EP400: variants seen among roughly 807,000 people sequenced by gnomAD.
The protein encoded by EP400 is E1A-binding protein p400.
A neutral mutation model predicts 354.1 loss-of-function variants in EP400; 105 were observed. That is an observed-to-expected ratio of 0.30 (90% CI 0.25 to 0.35). The LOEUF (loss-of-function observed/expected upper bound fraction) is 0.35. Among genes scored for constraint, EP400 ranks in the 10% least tolerant of loss-of-function variants. The pLI is 1.00. For missense variants in EP400, 3,280 were observed against 4,121.0 expected (o/e 0.80, Z 5.59); for synonymous variants, 1,646 against 1,716.9 (o/e 0.96, Z 1.02).
chr12:131,987,592 C>A, intron 6 of EP400, 113 bp from the exon 7 acceptor site: 1 of 854,604 alleles, frequency 1.2e-6, no homozygotes, highest in Non-Finnish European at 1.7e-6. Context: ...TTCTCTCTTT[C>A]TTAGTGCCTG....
chr12:132,060,948 A>C (rs76392818), intron 45 of EP400, among the ~76,000 whole-genome samples: 1 of 149,246 alleles, frequency 6.7e-6, no homozygotes, highest in East Asian at 1.9e-4. Context: ...AAAACAAAAC[A>C]AAAAAAAACA....
At chr12:132,068,122 C>T (rs1287781379) in intron 50 of EP400, 2 of 152,342 alleles carry the variant, frequency 1.3e-5, no homozygotes, top group Non-Finnish European at 2.9e-5. Flanking sequence ...GGGACTTCTG[C>T]TCGTGGTGGC....
rs773675763 is a variant in EP400 at position 132,029,599 on chromosome 12, G to A, written c.5382-102G>A. On this transcript the variant is annotated intron_variant, in intron 27 of 52. Transcript: ENST00000389561. This position sits in a 1 kb window ranked among gnomAD's most constrained non-coding sequence, Gnocchi z 4.7. ...CTGGGTTGAGCCCTGCTGTTTCCTG[G>A]GACTTGGACTGTCAGAAGTCTGCCC... 3 of 1,312,610 alleles carry A rather than the reference G, an allele frequency of 2.3e-6. No individual in the cohort carries two copies. The highest frequency in any genetic ancestry group is 3.2e-6 in the Non-Finnish European group (3 of 939,280). The allele number at this position is 1,312,610 out of a possible 1,614,324, so 81.3% of individuals were successfully genotyped here.
At position 131,961,871 on chromosome 12, in the gene EP400, C is replaced by G; in HGVS notation, c.1252C>G (p.Leu418Val). The G allele has an allele frequency of 6.2e-7, 1 of 1,614,074 alleles. No individual in the cohort carries two copies. The highest frequency in any genetic ancestry group is 8.5e-7 in the Non-Finnish European group (1 of 1,180,024). The stretch of plus-strand genomic sequence containing the variant: ...ACATTATGCCCCATTACAAGCATAT[C>G]TTAGGCAGAATGATTTGGACATTGA... ...KKHYAPLQAY[L>V]RQNDLDIEEE... Residue 418 changes from leucine (L) to valine (V), a missense_variant, in exon 2 of 53, where the codon CTT becomes GTT. Around this residue, in one of 20 missense-constraint regions of EP400, gnomAD observed 800 missense variants for 840.0 expected, o/e 0.95. Coordinates refer to ENST00000389561, the MANE Select transcript of EP400 (RefSeq NM_015409.5).
intron 1 of EP400, among the ~76,000 whole-genome samples, chr12:131,954,072 C>T (rs1442545886): frequency 2.0e-5 from 3 of 151,896 alleles, no homozygotes; most frequent in Admixed American, 1.3e-4. Flanking sequence ...GAGATTGCGC[C>T]GCAGCACTCG....
chr12:132,048,418 C>T (rs1037848566), intron 39 of EP400, among the ~76,000 whole-genome samples: 15 of 152,028 alleles, frequency 9.9e-5, no homozygotes, highest in Admixed American at 4.6e-4. Flanking sequence ...TCCCTCTGTT[C>T]GGGGTCCCTG....
At chr12:131,986,947 A>G (rs1892874424) in intron 6 of EP400, 140 bp downstream of exon 6, 1 of 1,083,836 alleles carries the variant, frequency 9.2e-7, no homozygotes, top group African/African-American at 1.6e-5. Context: ...ACAAGATGAA[A>G]ACCAAGGGTT....
At position 132,005,181 on chromosome 12, in the gene EP400, G is replaced by A. The variant is rs1330774390; in HGVS notation, c.2932G>A (p.Glu978Lys). 1 of 1,569,826 alleles carries A rather than the reference G, an allele frequency of 6.4e-7. No individual in the cohort carries two copies. Among genetic ancestry groups the A allele is most frequent in the Admixed American group, 1.9e-5 (1 of 52,938 alleles). Residue 978 changes from glutamate (E) to lysine (K), a missense_variant, in exon 13 of 53, where the codon GAA (glutamate) becomes AAA (lysine). Physicochemically the swap from Glu to Lys is moderately conservative, Grantham distance 56. Around this residue, in one of 20 missense-constraint regions of EP400, gnomAD observed 800 missense variants for 840.0 expected, o/e 0.95. Transcript: ENST00000389561. ...KPDGEDTSGE[E>K]DADDCPGDRE... ...TGATGGGGAGGACACAAGCGGAGAG[G>A]AAGGTGCGCTCCCAGCCTTTGGAAG...
At chr12:131,989,089 G>C (rs1057350611) in intron 7 of EP400, among the ~76,000 whole-genome samples, 2 of 152,276 alleles carry the variant, frequency 1.3e-5, no homozygotes, top group South Asian at 2.1e-4. Context: ...CAGACGTGTA[G>C]ATGCCAGGCT....
rs371767929 is a variant in EP400, at chr12:131,979,800, C to T, written c.1435+7C>T. 21 of 1,598,054 alleles carry T rather than the reference C, an allele frequency of 1.3e-5. No homozygotes were observed. The highest frequency in any genetic ancestry group is 1.6e-5 in the Non-Finnish European group (19 of 1,172,780). ...CCCTCCACAGGTATGGCAGGTACGT[C>T]GGCACGGCTAGCGTGGCCTCGGGAA... On this transcript the variant is annotated splice_region_variant and intron_variant, in intron 3 of 52. Coordinates refer to ENST00000389561, the MANE Select transcript of EP400 (RefSeq NM_015409.5).
intron 9 of EP400, 147 bp from the exon 10 acceptor site, chr12:131,991,260 T>C: frequency 1.4e-6 from 1 of 737,254 alleles, no homozygotes; most frequent in South Asian, 1.6e-5. Context: ...ACCACTGCCC[T>C]GCGTGATGAT....
Position 132,066,799 on chromosome 12 carries a change from A to C in EP400, c.8579A>C (p.Gln2860Pro). 6.2e-7 allele frequency: 1 copy of C among 1,613,886 alleles called. No individual in the cohort carries two copies. The highest frequency in any genetic ancestry group is 8.5e-7 in the Non-Finnish European group (1 of 1,179,908). ...RLTRVPTSQL[Q>P]AQGQMQTQAP... is the part of the protein sequence containing the mutation. ...ACCCGGGTTCCCACTTCTCAGCTGCAGGCGCAAGGGCAGATGCAGACCCAG... is the reference window on the plus strand; with the variant it reads ...ACCCGGGTTCCCACTTCTCAGCTGCCGGCGCAAGGGCAGATGCAGACCCAG... Residue 2860 changes from glutamine (Q) to proline (P), a missense_variant, in exon 49 of 53, where the codon CAG becomes CCG. Physicochemically the swap from Gln to Pro is moderately conservative, Grantham distance 76. Around this residue, in one of 20 missense-constraint regions of EP400, gnomAD observed 279 missense variants for 386.7 expected, o/e 0.72. Coordinates refer to ENST00000389561, the MANE Select transcript of EP400 (RefSeq NM_015409.5).
At chr12:132,069,315 G>T (rs1895999000) in intron 50 of EP400, 180 bp from the exon 51 acceptor site, 2 of 843,222 alleles carry the variant, frequency 2.4e-6, no homozygotes, top group Admixed American at 3.0e-5. Flanking sequence ...GCAGAGGTAG[G>T]CCTGGAGGCA....
intron 15 of EP400, among the ~76,000 whole-genome samples, chr12:132,007,603 G>A (rs964174426): frequency 6.6e-6 from 1 of 152,216 alleles, no homozygotes; most frequent in Non-Finnish European, 1.5e-5. Context: ...GGTGTGACTT[G>A]TGTCTCTAAC....
At chr12:132,043,228 A>C in intron 32 of EP400, 76 bp from the exon 33 acceptor site, 1 of 1,510,718 alleles carries the variant, frequency 6.6e-7, no homozygotes. Context: ...CATTAACTTT[A>C]CATGGGATAG....
At chr12:132,001,354 A>G (rs1266044522) in intron 12 of EP400, among the ~76,000 whole-genome samples, 2 of 152,162 alleles carry the variant, frequency 1.3e-5, no homozygotes, top group Admixed American at 6.5e-5. Flanking sequence ...AGGCAGAGAG[A>G]GAGAGACAGC....
intron 45 of EP400, among the ~76,000 whole-genome samples, chr12:132,058,393 C>T (rs576359600): frequency 7.0e-6 from 1 of 143,246 alleles, no homozygotes; most frequent in South Asian, 2.2e-4. Context: ...CTCTCCCTGT[C>T]ACCCAGGCTA....
At chr12:131,985,251 G>C (rs2136496247) in intron 5 of EP400, among the ~76,000 whole-genome samples, 1 of 152,386 alleles carries the variant, frequency 6.6e-6, no homozygotes, top group East Asian at 1.9e-4. Context: ...TCAAGGGCCA[G>C]GGAGTAAATG....
rs10902490 is a variant in EP400 at position 132,062,548 on chromosome 12, A to G, written c.8181A>G (p.Gln2727=). The G allele has an allele frequency of 0.066, 102,804 of 1,558,940 alleles. 1,131 individuals carry two copies. The highest frequency in any genetic ancestry group is 0.17 in the African/African-American group (11,993 of 72,602). ...LLRQQQQQQQ[Q]QQQQQQQQQQ... ...GGCAGCAGCAGCAGCAGCAGCAACAACAGCAGCAGCAGCAGCAGCAGCAGC... is the reference window on the plus strand; with the variant it reads ...GGCAGCAGCAGCAGCAGCAGCAACAGCAGCAGCAGCAGCAGCAGCAGCAGC... Residue 2727 remains glutamine (Q), a synonymous_variant, in exon 47 of 53, where the codon CAA becomes CAG. Transcript: ENST00000389561.
Sources: gnomAD v4.1 joint callset for allele counts (sites outside exome capture counted in the v4.1 genomes callset) on GRCh38, gnomAD v4.1.1 for gene constraint, gnomAD v4.1.1 regional missense constraint, Gnocchi (gnomAD v3.1) non-coding constraint, MANE v1.5 for transcripts, NCBI Gene and HGNC (gene_info 2026-07-23, HGNC 2026-07-21) for gene names.